Variants in EYS observed in about 807,000 individuals in gnomAD.
EYS encodes EGF-like photoreceptor maintenance factor.
Under a neutral mutation model 282.1 loss-of-function variants are expected in EYS, and 250 were observed. That is an observed-to-expected ratio of 0.89 (90% CI 0.80 to 0.98). The LOEUF is 0.98. Among genes scored for constraint, EYS ranks in the 50% least tolerant of loss-of-function variants. The pLI, the probability that EYS is intolerant of heterozygous loss-of-function variation, is 0.00. For missense variants in EYS, 4,016 were observed against 3,709.0 expected (o/e 1.08, Z -2.15); for synonymous variants, 1,355 against 1,282.9 (o/e 1.06, Z -1.20).
intron 30 of EYS, among the ~76,000 whole-genome samples, chr6:64,305,500 T>G (rs180784578): frequency 6.6e-5 from 10 of 152,314 alleles, no homozygotes; most frequent in Non-Finnish European, 1.5e-4. Context: ...ATGCTACCTT[T>G]GTAATTAAAA....
chr6:64,088,998 C>T (rs1197877461), intron 31 of EYS, among the ~76,000 whole-genome samples: 1 of 151,762 alleles, frequency 6.6e-6, no homozygotes, highest in Non-Finnish European at 1.5e-5. Flanking sequence ...ATATTGTTTG[C>T]TATTTCTTTA....
At chr6:64,648,814 T>C (rs1768448229) in intron 22 of EYS, among the ~76,000 whole-genome samples, 1 of 152,178 alleles carries the variant, frequency 6.6e-6, no homozygotes, top group African/African-American at 2.4e-5. Context: ...ATTGAGATAA[T>C]TTATGAAATT....
At position 64,715,219 on chromosome 6, in the gene EYS, C is replaced by G. The variant is rs189800961; in HGVS notation, c.3444-88974G>C. Reference sequence around the variant, plus strand: ...CACTATAATGTAGAATCAGTGGGAGCCTTGAGTTTGTTTTCCTGCAACTAA... The same window carrying G: ...CACTATAATGTAGAATCAGTGGGAGGCTTGAGTTTGTTTTCCTGCAACTAA... On this transcript the variant is annotated intron_variant, in intron 22 of 42. Transcript: ENST00000503581. Among the ~76,000 whole-genome samples, 136 of 152,052 alleles carry G rather than the reference C, an allele frequency of 8.9e-4. 1 individual carries two copies. The highest frequency in any genetic ancestry group is 3.0e-3 in the African/African-American group (126 of 41,462).
intron 26 of EYS, among the ~76,000 whole-genome samples, chr6:64,487,148 C>G (rs984992733): frequency 2.0e-5 from 3 of 151,066 alleles, no homozygotes; most frequent in Non-Finnish European, 4.4e-5. Flanking sequence ...TTTATTGGCA[C>G]TTAATCAAGA....
chr6:64,101,649 AT>A (rs111743534), intron 31 of EYS, among the ~76,000 whole-genome samples: 2 of 151,486 alleles, frequency 1.3e-5, no homozygotes, highest in East Asian at 1.9e-4. Flanking sequence ...TCTAGTTCCC[AT>A]TTTTTTTGGC....
chr6:65,443,608 CAT>C (rs1251029784), intron 5 of EYS, among the ~76,000 whole-genome samples: 4 of 150,840 alleles, frequency 2.7e-5, no homozygotes, highest in Admixed American at 6.7e-5. Context: ...ATCATATACA[CAT>C]ATACACACAT....
chr6:64,758,987 A>C (rs1325884781), intron 22 of EYS, among the ~76,000 whole-genome samples: 3 of 152,130 alleles, frequency 2.0e-5, no homozygotes, highest in Non-Finnish European at 2.9e-5. Context: ...AAATACAAAA[A>C]AATTAACCAG....
intron 29 of EYS, among the ~76,000 whole-genome samples, chr6:64,380,703 T>G (rs1772713749): frequency 6.6e-6 from 1 of 152,160 alleles, no homozygotes. Context: ...CACTGATTGT[T>G]ATAATACAGG....
intron 12 of EYS, among the ~76,000 whole-genome samples, chr6:65,145,426 G>T (rs2150211568): frequency 6.6e-6 from 1 of 151,716 alleles, no homozygotes; most frequent in Non-Finnish European, 1.5e-5. Flanking sequence ...TGTATCTTTA[G>T]GTATTTGTGT....
intron 12 of EYS, among the ~76,000 whole-genome samples, chr6:65,176,247 TC>T (rs1450292702): frequency 6.6e-6 from 1 of 151,548 alleles, no homozygotes; most frequent in African/African-American, 2.4e-5. Context: ...CATTTCCTGA[TC>T]CTCTCAGCTT....
At chr6:64,330,740 C>T (rs1267241935) in intron 29 of EYS, among the ~76,000 whole-genome samples, 2 of 152,110 alleles carry the variant, frequency 1.3e-5, no homozygotes, top group African/African-American at 2.4e-5. Flanking sequence ...TGGTCATCAC[C>T]CTGTTGGAGC....
chr6:65,084,196 T>C, intron 12 of EYS, among the ~76,000 whole-genome samples: 1 of 151,984 alleles, frequency 6.6e-6, no homozygotes. Flanking sequence ...GCACACAGAG[T>C]CCTGGTTAAC....
intron 42 of EYS, among the ~76,000 whole-genome samples, chr6:63,724,812 T>G (rs1055302568): frequency 1.3e-5 from 2 of 152,140 alleles, no homozygotes; most frequent in Non-Finnish European, 2.9e-5. Flanking sequence ...AAAACCACAT[T>G]GGCTGCTTTT....
intron 40 of EYS, among the ~76,000 whole-genome samples, chr6:63,769,983 C>T (rs1262113624): frequency 6.6e-6 from 1 of 151,946 alleles, no homozygotes; most frequent in Non-Finnish European, 1.5e-5. Context: ...CATTGTACTT[C>T]GTTACCAAGG....
intron 33 of EYS, among the ~76,000 whole-genome samples, chr6:64,040,171 G>A (rs533077914): frequency 8.5e-5 from 13 of 152,230 alleles, no homozygotes; most frequent in South Asian, 4.1e-4. Context: ...TTTCCATACC[G>A]TGTAAATTGA....
chr6:65,341,901 C>A (rs541640269), intron 10 of EYS, among the ~76,000 whole-genome samples: 2 of 151,086 alleles, frequency 1.3e-5, no homozygotes, highest in East Asian at 3.9e-4. Flanking sequence ...TTCTATATTG[C>A]CATTCTAGGA....
At chr6:64,344,868 A>C (rs1461698674) in intron 29 of EYS, among the ~76,000 whole-genome samples, 1 of 152,190 alleles carries the variant, frequency 6.6e-6, no homozygotes, top group Non-Finnish European at 1.5e-5. Context: ...ATACAAAATC[A>C]ATGTGCAAAA....
At chr6:65,384,564 A>T (rs1765732255) in intron 7 of EYS, 64 bp from the exon 8 acceptor site, 1 of 813,374 alleles carries the variant, frequency 1.2e-6, no homozygotes, top group Admixed American at 2.0e-5. Context: ...AAGCCTATTA[A>T]CATTATTCCA....
At chr6:63,781,779 A>C (rs1770235299) in intron 39 of EYS, among the ~76,000 whole-genome samples, 1 of 152,118 alleles carries the variant, frequency 6.6e-6, no homozygotes, top group South Asian at 2.1e-4. Context: ...AGAACTTCCA[A>C]CAGTATGTTG....
Sources: allele counts gnomAD v4.1 joint callset (sites outside exome capture counted in the v4.1 genomes callset), GRCh38; gene constraint gnomAD v4.1.1; transcripts MANE v1.5; gene names NCBI Gene and HGNC (gene_info 2026-07-23, HGNC 2026-07-21).